ZFHX3: variants seen among roughly 807,000 people sequenced by gnomAD.
ZFHX3 encodes zinc finger homeobox protein 3.
Under a neutral mutation model 279.1 loss-of-function variants are expected in ZFHX3, and 42 were observed. That is an observed-to-expected ratio of 0.15 (90% confidence interval 0.12 to 0.19). The LOEUF is 0.19. ZFHX3 is among the 10% of genes least tolerant of loss of function. The probability of loss-of-function intolerance (pLI) is 1.00; values close to 1 mark genes in which losing one functional copy is unlikely to be tolerated. For synonymous variants in ZFHX3, 2,293 were observed against 1,957.8 expected (o/e 1.17, Z -4.52); for missense variants, 4,981 against 4,754.0 (o/e 1.05, Z -1.40).
Position 72,794,912 on chromosome 16 carries a change from A to G in ZFHX3, c.7770T>C (p.Ser2590=). ...SNPLLASQLL[S]GAIPQIPASS... is the part of the protein sequence containing the mutation. ...TTGCTGGAATCTGAGGTATGGCCCC[A>G]GAGAGCAGCTGGCTGGCCAGGAGTG... The change falls in exon 9 of 10, where the codon TCT becomes TCC. Residue 2590 remains serine (S), a synonymous_variant. Coordinates refer to ENST00000268489, the MANE Select transcript of ZFHX3 (RefSeq NM_006885.4). The surrounding 1 kb of genome is among the most constrained non-coding windows in gnomAD (Gnocchi z 4.2). 1 of 1,614,108 alleles carries G rather than the reference A, an allele frequency of 6.2e-7. No homozygotes were observed. Among genetic ancestry groups the G allele is most frequent in the Admixed American group, 1.7e-5 (1 of 60,018 alleles).
chr16:73,584,617 C>T (rs2051903596), intron 2 of ZFHX3, among the ~76,000 whole-genome samples: 1 of 152,120 alleles, frequency 6.6e-6, no homozygotes, highest in African/African-American at 2.4e-5. Flanking sequence ...ATACTTTGGA[C>T]ATTATGAAAA....
At chr16:73,804,103 G>C (rs1270087697) in intron 1 of ZFHX3, among the ~76,000 whole-genome samples, 3 of 152,186 alleles carry the variant, frequency 2.0e-5, no homozygotes, top group Admixed American at 2.0e-4. Context: ...GCTCCAGTGA[G>C]CCGAGATTGT....
chr16:73,717,161 C>T (rs947582180), intron 1 of ZFHX3, among the ~76,000 whole-genome samples: 11 of 152,178 alleles, frequency 7.2e-5, no homozygotes, highest in African/African-American at 2.4e-4. Flanking sequence ...TGGGCTCTAG[C>T]TTGCTGTCAC....
chr16:73,239,262 T>C (rs1187284784), intron 5 of ZFHX3, among the ~76,000 whole-genome samples: 3 of 152,212 alleles, frequency 2.0e-5, no homozygotes, highest in Non-Finnish European at 4.4e-5. Context: ...ATTGGGCAAT[T>C]CTCACCTACA....
chr16:72,958,911 T>C lies in ZFHX3; in HGVS notation c.1235A>G (p.Lys412Arg), dbSNP rs941173740. ...NLGGLTSSVL[K>R]TPITSVPLGP... ...CAGGGGGACTGAGGTAATGGGGGTC[T>C]TCAGTACCGAGCTGGTGAGCCCGCC... is the stretch of plus-strand genomic sequence containing the variant. The change falls in exon 2 of 10, where the codon AAG becomes AGG. Residue 412 changes from lysine (K) to arginine (R), a missense_variant. Physicochemically the swap from Lys to Arg is conservative, Grantham distance 26. Coordinates refer to ENST00000268489, the MANE Select transcript of ZFHX3 (RefSeq NM_006885.4). 6.2e-7 allele frequency: 1 copy of C among 1,604,990 alleles called. No homozygotes were observed. Among genetic ancestry groups the C allele is most frequent in the African/African-American group, 1.3e-5 (1 of 74,826 alleles).
At chr16:73,237,523 G>A (rs1024792362) in intron 5 of ZFHX3, among the ~76,000 whole-genome samples, 6 of 140,880 alleles carry the variant, frequency 4.3e-5, no homozygotes, top group Non-Finnish European at 9.2e-5. Flanking sequence ...GCCACCAAAT[G>A]CAGCCTTTTT....
intron 8 of ZFHX3, among the ~76,000 whole-genome samples, chr16:73,091,324 G>T (rs946194680): frequency 6.6e-6 from 1 of 152,104 alleles, no homozygotes; most frequent in African/African-American, 2.4e-5. Context: ...GCCTGGGAGA[G>T]ACAACCTTAT....
chr16:73,680,915 G>A (rs2053003813), intron 1 of ZFHX3, among the ~76,000 whole-genome samples: 1 of 152,158 alleles, frequency 6.6e-6, no homozygotes. Context: ...CAGTGAGCAG[G>A]ATCACACAGA....
At chr16:73,092,270 A>G (rs553365217) in intron 8 of ZFHX3, 9 of 152,348 alleles carry the variant, frequency 5.9e-5, no homozygotes, top group African/African-American at 1.9e-4. Context: ...ATGCACACAC[A>G]AAAAAGGATA....
At chr16:73,771,315 A>G (rs2054014999) in intron 1 of ZFHX3, among the ~76,000 whole-genome samples, 1 of 152,060 alleles carries the variant, frequency 6.6e-6, no homozygotes, top group African/African-American at 2.4e-5. Context: ...TAAGCAGGAG[A>G]TCCTGGTGAT....
intron 5 of ZFHX3, among the ~76,000 whole-genome samples, chr16:73,156,086 G>T (rs1280726936): frequency 6.6e-6 from 1 of 151,488 alleles, no homozygotes; most frequent in Non-Finnish European, 1.5e-5. Context: ...CAAAAAATTA[G>T]CCGGGTGTGG....
intron 4 of ZFHX3, among the ~76,000 whole-genome samples, chr16:73,280,362 G>T (rs1173553202): frequency 6.6e-6 from 1 of 152,170 alleles, no homozygotes; most frequent in African/African-American, 2.4e-5. Context: ...TCTGATAAGA[G>T]TTTAATATCC....
intron 3 of ZFHX3, among the ~76,000 whole-genome samples, chr16:73,441,599 G>A (rs2018094227): frequency 6.6e-6 from 1 of 152,060 alleles, no homozygotes; most frequent in Admixed American, 6.5e-5. Flanking sequence ...GGGTAACGAC[G>A]CATACCAATA....
intron 3 of ZFHX3, among the ~76,000 whole-genome samples, chr16:72,917,809 C>A (rs1300008073): frequency 6.6e-6 from 1 of 151,924 alleles, no homozygotes. Context: ...TTTTTACATA[C>A]AATAAACATG....
At chr16:73,506,975 C>T (rs774112953) in intron 2 of ZFHX3, among the ~76,000 whole-genome samples, 5 of 152,130 alleles carry the variant, frequency 3.3e-5, no homozygotes, top group African/African-American at 4.8e-5. Context: ...TCCAACCTGA[C>T]CCTTCTCATC....
rs376901816 is a variant in ZFHX3 at position 73,351,719 on chromosome 16, C to G, written c.-1290-33383G>C. Among the ~76,000 whole-genome samples, 7 of 152,260 alleles carry G rather than the reference C, an allele frequency of 4.6e-5. No individual in the cohort carries two copies. In the East Asian group the frequency reaches 1.2e-3, roughly 25 times the overall value. On this transcript the variant is annotated intron_variant, in intron 3 of 17. Transcript: ENST00000641206. ...CTTTTAAAACGCTTCAATGTTTAAC[C>G]TCTTCCTTTCTTCAAAGCCTTCTTG...
chr16:73,370,403 A>C (rs1346406861), intron 3 of ZFHX3, among the ~76,000 whole-genome samples: 4 of 152,186 alleles, frequency 2.6e-5, no homozygotes, highest in Non-Finnish European at 5.9e-5. Flanking sequence ...AGCATATGGG[A>C]GGCAGGTTTA....
chr16:73,654,325 T>A (rs2052701467), intron 2 of ZFHX3, among the ~76,000 whole-genome samples: 1 of 152,034 alleles, frequency 6.6e-6, no homozygotes, highest in Non-Finnish European at 1.5e-5. Flanking sequence ...GAAATGATAC[T>A]CAAAAATTTT....
chr16:73,666,656 T>G (rs1046584437), intron 2 of ZFHX3, among the ~76,000 whole-genome samples: 14 of 151,966 alleles, frequency 9.2e-5, no homozygotes, highest in African/African-American at 3.4e-4. Context: ...TCACTCTTTT[T>G]AGTGTACGGG....
Sources: gnomAD v4.1 joint callset for allele counts (sites outside exome capture counted in the v4.1 genomes callset) on GRCh38, gnomAD v4.1.1 for gene constraint, Gnocchi (gnomAD v3.1) non-coding constraint, MANE v1.5 for transcripts, NCBI Gene and HGNC (gene_info 2026-07-23, HGNC 2026-07-21) for gene names.